OR3A2: variants seen among roughly 807,000 people sequenced by gnomAD.
OR3A2 encodes the protein olfactory receptor family 3 subfamily A member 2, also known as olfactory receptor 3A2.
For synonymous variants in OR3A2, 126 were observed against 159.3 expected, an observed-to-expected ratio of 0.79 and a Z score of 1.57; for missense variants, 318 against 392.8, an observed-to-expected ratio of 0.81 and a Z score of 1.61.
At chr17:3,284,808 A>G (rs2048797946), upstream of OR3A2, among the ~76,000 whole-genome samples, 2 of 130,726 alleles carry the variant, frequency 1.5e-5, 1 homozygote, top group Admixed American at 1.6e-4. Context: ...TGGAGACTCT[A>G]TATGGGCTTT....
intron 2 of OR3A2, among the ~76,000 whole-genome samples, chr17:3,379,634 C>T (rs1292534997): frequency 2.0e-5 from 3 of 152,178 alleles, no homozygotes; most frequent in Non-Finnish European, 2.9e-5. Context: ...CACTTCACTG[C>T]TCACAGTGGA....
intron 2 of OR3A2, among the ~76,000 whole-genome samples, chr17:3,378,572 G>C (rs1387112290): frequency 2.0e-5 from 3 of 152,166 alleles, no homozygotes; most frequent in Admixed American, 6.5e-5. Flanking sequence ...ACTTGGTAGG[G>C]GGTGGGGCTC....
intron 3 of OR3A2, among the ~76,000 whole-genome samples, chr17:3,299,696 G>T (rs928581256): frequency 6.6e-6 from 1 of 152,126 alleles, no homozygotes. Context: ...CCCCAGAAGA[G>T]CCTGGTAAGA....
chr17:3,333,080 A>T (rs2049252267), intron 3 of OR3A2, among the ~76,000 whole-genome samples: 3 of 152,142 alleles, frequency 2.0e-5, no homozygotes, highest in Admixed American at 2.0e-4. Flanking sequence ...CAAGTAGGAG[A>T]GATATTGCTA....
At chr17:3,340,769 T>G (rs1419904313) in intron 2 of OR3A2, among the ~76,000 whole-genome samples, 1 of 152,140 alleles carries the variant, frequency 6.6e-6, no homozygotes, top group Non-Finnish European at 1.5e-5. Context: ...GTTCTGTAGA[T>G]GTCTATTAGG....
chr17:3,383,494 G>C (rs1053150369), intron 2 of OR3A2, among the ~76,000 whole-genome samples: 1 of 152,184 alleles, frequency 6.6e-6, no homozygotes, highest in Admixed American at 6.5e-5. Context: ...AATGAAGTGG[G>C]TCCACGTTTC....
chr17:3,363,174 C>T (rs370392253), intron 2 of OR3A2, among the ~76,000 whole-genome samples: 4 of 152,030 alleles, frequency 2.6e-5, no homozygotes, highest in African/African-American at 2.4e-5. Flanking sequence ...AATTTCTCCC[C>T]AGAAAATGGG....
chr17:3,335,669 T>G (rs1209269269), intron 3 of OR3A2, among the ~76,000 whole-genome samples: 2 of 152,146 alleles, frequency 1.3e-5, no homozygotes, highest in Non-Finnish European at 2.9e-5. Flanking sequence ...GACTACACTT[T>G]ACATACATTA....
At chr17:3,289,587 G>A (rs2048846063) in intron 3 of OR3A2, among the ~76,000 whole-genome samples, 2 of 152,376 alleles carry the variant, frequency 1.3e-5, no homozygotes, top group South Asian at 2.1e-4. Context: ...AGAAGTGATG[G>A]TGGAAGGTGT....
chr17:3,296,621 A>G (rs1396176847), intron 3 of OR3A2, among the ~76,000 whole-genome samples: 1 of 152,218 alleles, frequency 6.6e-6, no homozygotes, highest in Non-Finnish European at 1.5e-5. Flanking sequence ...CAATTACATT[A>G]AAAGATTAAA....
chr17:3,380,329 C>A (rs528633591), intron 2 of OR3A2, among the ~76,000 whole-genome samples: 1 of 152,162 alleles, frequency 6.6e-6, no homozygotes, highest in Admixed American at 6.5e-5. Flanking sequence ...AGTGGATGAA[C>A]CATAGGTGGG....
intron 3 of OR3A2, among the ~76,000 whole-genome samples, chr17:3,330,488 A>C (rs1361181862): frequency 1.3e-5 from 2 of 151,452 alleles, no homozygotes; most frequent in Admixed American, 6.6e-5. Context: ...GTCTCTTTTG[A>C]TTTTGTTGGT....
Position 3,372,500 on chromosome 17 carries a change from T to C in OR3A2, c.-179+11304A>G, listed in dbSNP as rs1336640196. ...CTGGGAGGTGGAGGTTGTAGCGAGC[T>C]GAGATCACGCCACTGCACTCCAGCC... On this transcript the variant is annotated intron_variant, in intron 2 of 4. Coordinates refer to the OR3A2 transcript ENST00000573491. Among the ~76,000 whole-genome samples, 646 of 151,560 alleles carry C rather than the reference T, an allele frequency of 4.3e-3. 4 individuals are homozygous for C. Among genetic ancestry groups the C allele is most frequent in the African/African-American group, 0.015 (597 of 41,132 alleles).
exon 2 of OR3A2, chr17:3,277,978 G>A (rs918411261): frequency 6.3e-7 from 1 of 1,597,268 alleles, no homozygotes. Flanking sequence ...TCTCAGGTCA[G>A]TGATCTCCTC....
intron 3 of OR3A2, among the ~76,000 whole-genome samples, chr17:3,304,544 T>C (rs145015209): frequency 7.9e-5 from 12 of 152,318 alleles, no homozygotes; most frequent in Admixed American, 2.0e-4. Flanking sequence ...CACTGCTTCA[T>C]AGATTTTGTT....
chr17:3,348,902 C>A (rs1200833079), intron 2 of OR3A2, among the ~76,000 whole-genome samples: 1 of 152,016 alleles, frequency 6.6e-6, no homozygotes, highest in African/African-American at 2.4e-5. Flanking sequence ...AAAGAATTTT[C>A]AACCCAGAAT....
At chr17:3,343,297 G>A (rs2049336063) in intron 2 of OR3A2, among the ~76,000 whole-genome samples, 3 of 152,150 alleles carry the variant, frequency 2.0e-5, no homozygotes, top group Non-Finnish European at 4.4e-5. Context: ...AGATGAACCA[G>A]GTACCTCAGT....
intron 2 of OR3A2, among the ~76,000 whole-genome samples, chr17:3,342,351 G>C (rs1030046648): frequency 6.6e-6 from 1 of 152,106 alleles, no homozygotes; most frequent in African/African-American, 2.4e-5. Flanking sequence ...GAGGAGCTCT[G>C]GTTTTTAGAA....
intron 3 of OR3A2, among the ~76,000 whole-genome samples, chr17:3,314,214 A>G (rs1460614218): frequency 6.6e-6 from 1 of 152,200 alleles, no homozygotes; most frequent in African/African-American, 2.4e-5. Flanking sequence ...TCTGAGCATA[A>G]CACTATAGGT....
Sources: gnomAD v4.1 joint callset for allele counts (sites outside exome capture counted in the v4.1 genomes callset) on GRCh38, gnomAD v4.1.1 for gene constraint, MANE v1.5 for transcripts, NCBI Gene and HGNC (gene_info 2026-07-23, HGNC 2026-07-21) for gene names.